FSTL4: variants seen among roughly 807,000 people sequenced by gnomAD.
FSTL4 encodes the protein follistatin like 4.
A neutral mutation model predicts 78.2 loss-of-function variants in FSTL4; 28 were observed. The ratio of observed to expected loss-of-function variants is 0.36; its 90% CI spans 0.27 to 0.49. The LOEUF is 0.49. Among genes scored for constraint, FSTL4 ranks in the 20% least tolerant of loss-of-function variants. The probability of loss-of-function intolerance (pLI) is 0.98; values close to 1 mark genes in which losing one functional copy is unlikely to be tolerated. For missense variants in FSTL4, 922 were observed against 1,084.9 expected, an observed-to-expected ratio of 0.85 and a Z score of 2.11; for synonymous variants, 422 against 440.5, an observed-to-expected ratio of 0.96 and a Z score of 0.53.
At chr5:133,817,808 A>G in the FSTL4 span, among the ~76,000 whole-genome samples, 3 of 152,218 alleles carry the variant, frequency 2.0e-5, no homozygotes, top group South Asian at 6.2e-4. Context: ...GACAGAGAAT[A>G]AAGAAACAGC....
At chr5:133,372,315 T>C (rs1171831665) in intron 4 of FSTL4, among the ~76,000 whole-genome samples, 1 of 148,528 alleles carries the variant, frequency 6.7e-6, no homozygotes, top group Non-Finnish European at 1.5e-5. Flanking sequence ...TCCTGTGGAA[T>C]AAAGTTTTTA....
the FSTL4 span, among the ~76,000 whole-genome samples, chr5:133,788,116 T>A: frequency 1.4e-3 from 216 of 152,180 alleles, 1 homozygote; most frequent in Admixed American, 0.013. Flanking sequence ...TGTCTCCATA[T>A]CCCCAGCGCC....
At chr5:133,744,441 T>C in the FSTL4 span, among the ~76,000 whole-genome samples, 1 of 152,192 alleles carries the variant, frequency 6.6e-6, no homozygotes. Flanking sequence ...CAGCCCCCGC[T>C]GTGCCGCATG....
At chr5:133,259,037 G>C (rs1028689691) in intron 6 of FSTL4, among the ~76,000 whole-genome samples, 2 of 152,160 alleles carry the variant, frequency 1.3e-5, no homozygotes, top group South Asian at 4.1e-4. Flanking sequence ...GAGGGAGCAA[G>C]GGCTGGGGGT....
the FSTL4 span, among the ~76,000 whole-genome samples, chr5:133,743,682 A>G: frequency 6.6e-6 from 1 of 152,240 alleles, no homozygotes; most frequent in Non-Finnish European, 1.5e-5. Flanking sequence ...AGCTCTTTTC[A>G]TTATAATTAT....
chr5:133,285,628 T>C (rs980515550), intron 6 of FSTL4, among the ~76,000 whole-genome samples: 4 of 152,156 alleles, frequency 2.6e-5, no homozygotes, highest in African/African-American at 9.7e-5. Context: ...CCTCCCTCAC[T>C]CATCTCACGT....
At chr5:133,615,645 A>G (rs1761186906), upstream of FSTL4, among the ~76,000 whole-genome samples, 1 of 152,238 alleles carries the variant, frequency 6.6e-6, no homozygotes, top group African/African-American at 2.4e-5. Context: ...TTTTCCTCTA[A>G]GTCTAATATT....
chr5:133,443,153 C>A (rs1441310844), intron 3 of FSTL4, among the ~76,000 whole-genome samples: 2 of 152,200 alleles, frequency 1.3e-5, no homozygotes, highest in Non-Finnish European at 2.9e-5. Context: ...GTAAGTGTCA[C>A]ATTCTAATTA....
At chr5:133,555,896 G>T (rs1759776474) in intron 3 of FSTL4, among the ~76,000 whole-genome samples, 1 of 152,188 alleles carries the variant, frequency 6.6e-6, no homozygotes, top group African/African-American at 2.4e-5. Context: ...GCAAATAACT[G>T]CTAAAATTAG....
chr5:133,812,107 C>T, the FSTL4 span, among the ~76,000 whole-genome samples: 2 of 152,214 alleles, frequency 1.3e-5, no homozygotes, highest in African/African-American at 4.8e-5. Context: ...TCATATTCCA[C>T]AGCCGAATAA....
chr5:133,807,414 A>T, the FSTL4 span, among the ~76,000 whole-genome samples: 5 of 152,224 alleles, frequency 3.3e-5, no homozygotes, highest in African/African-American at 1.2e-4. Flanking sequence ...ACCAGCTTAT[A>T]TGGGGTCAAG....
the FSTL4 span, among the ~76,000 whole-genome samples, chr5:133,780,911 T>A: frequency 6.6e-6 from 1 of 152,182 alleles, no homozygotes; most frequent in Non-Finnish European, 1.5e-5. Flanking sequence ...GCGATCATTA[T>A]CCTCTATCCA....
At chr5:133,805,855 G>A in the FSTL4 span, among the ~76,000 whole-genome samples, 2 of 152,284 alleles carry the variant, frequency 1.3e-5, no homozygotes, top group East Asian at 1.9e-4. Flanking sequence ...TCAGCTCTGG[G>A]TCACTGTTGT....
chr5:133,839,805 A>AT, the FSTL4 span, among the ~76,000 whole-genome samples: 19 of 152,200 alleles, frequency 1.2e-4, no homozygotes, highest in Non-Finnish European at 2.6e-4. Context: ...AGGCTGATGA[A>AT]TGCATCAACC....
At chr5:133,408,555 C>T (rs1349903398) in intron 3 of FSTL4, among the ~76,000 whole-genome samples, 1 of 118,216 alleles carries the variant, frequency 8.5e-6, no homozygotes, top group Non-Finnish European at 1.6e-5. Context: ...TGCAGCTCCT[C>T]TTCACTGAGG....
chr5:133,630,160 G>T, the FSTL4 span, among the ~76,000 whole-genome samples: 496 of 152,314 alleles, frequency 3.3e-3, no homozygotes, highest in African/African-American at 0.011. Flanking sequence ...AATCAGGCAA[G>T]AGAAAGAAAT....
the FSTL4 span, among the ~76,000 whole-genome samples, chr5:133,755,137 T>G: frequency 3.9e-5 from 6 of 152,110 alleles, no homozygotes. Context: ...TCAGATTTCC[T>G]TCTCTACCCA....
chr5:133,705,608 C>A, the FSTL4 span, among the ~76,000 whole-genome samples: 1 of 152,120 alleles, frequency 6.6e-6, no homozygotes, highest in Admixed American at 6.5e-5. Context: ...TTCCTGTGAT[C>A]CTGCAGGGAT....
chr5:133,365,235 A>AAAT (rs150360420), intron 4 of FSTL4, among the ~76,000 whole-genome samples: 7,086 of 150,922 alleles, frequency 0.047, 234 homozygotes, highest in African/African-American at 0.095. Context: ...TTAATTTCTA[A>AAAT]AATAATAATA....
Sources: gnomAD v4.1 joint callset for allele counts (sites outside exome capture counted in the v4.1 genomes callset) on GRCh38, gnomAD v4.1.1 for gene constraint, MANE v1.5 for transcripts, NCBI Gene and HGNC (gene_info 2026-07-23, HGNC 2026-07-21) for gene names.